Variants in CD247 observed in about 807,000 individuals in gnomAD.
The protein encoded by CD247 is CD247 molecule.
A neutral mutation model predicts 30.0 loss-of-function variants in CD247; 13 were observed. That is an observed-to-expected ratio of 0.43 (90% CI 0.28 to 0.69). CD247 has a LOEUF of 0.69. Among genes scored for constraint, CD247 ranks in the 30% least tolerant of loss-of-function variants. The pLI is 0.16. For missense variants in CD247, 193 were observed against 212.6 expected, an observed-to-expected ratio of 0.91 and a Z score of 0.57; for synonymous variants, 72 against 80.0, an observed-to-expected ratio of 0.90 and a Z score of 0.53.
intron 1 of CD247, among the ~76,000 whole-genome samples, chr1:167,453,602 T>C (rs115909093): frequency 0.014 from 2,104 of 152,278 alleles, 47 homozygotes; most frequent in African/African-American, 0.048. Flanking sequence ...TGTATTCATA[T>C]ATAACCGTTA....
intron 1 of CD247, among the ~76,000 whole-genome samples, chr1:167,509,898 G>A (rs1655315347): frequency 6.6e-6 from 1 of 152,124 alleles, no homozygotes; most frequent in African/African-American, 2.4e-5. Flanking sequence ...AAAGACCCCA[G>A]GCTTACTTGG....
At chr1:167,462,910 T>A (rs78723986) in intron 1 of CD247, among the ~76,000 whole-genome samples, 312 of 152,330 alleles carry the variant, frequency 2.0e-3, no homozygotes, top group African/African-American at 7.0e-3. Flanking sequence ...CCACCAGCCT[T>A]ATTTTTTTCT....
At chr1:167,505,096 A>G (rs1655061061) in intron 1 of CD247, among the ~76,000 whole-genome samples, 1 of 152,144 alleles carries the variant, frequency 6.6e-6, no homozygotes, top group African/African-American at 2.4e-5. Context: ...TCCTCTGGTG[A>G]GTGAAGATTC....
At chr1:167,504,965 CAAGT>C (rs1655054190) in intron 1 of CD247, among the ~76,000 whole-genome samples, 1 of 152,142 alleles carries the variant, frequency 6.6e-6, no homozygotes, top group Non-Finnish European at 1.5e-5. Context: ...CTCATGAAAA[CAAGT>C]AGATTAGAAG....
At chr1:167,509,238 T>C (rs1028476343) in intron 1 of CD247, among the ~76,000 whole-genome samples, 1 of 151,912 alleles carries the variant, frequency 6.6e-6, no homozygotes, top group Non-Finnish European at 1.5e-5. Flanking sequence ...TGTTGGCACA[T>C]GCCTGTAATC....
intron 1 of CD247, among the ~76,000 whole-genome samples, chr1:167,505,397 T>C (rs1291627101): frequency 6.6e-6 from 1 of 152,158 alleles, no homozygotes; most frequent in Non-Finnish European, 1.5e-5. Context: ...CTTTATAGAC[T>C]AAAAGCACTC....
At chr1:167,474,752 C>CTTT (rs1175876563) in intron 1 of CD247, among the ~76,000 whole-genome samples, 8 of 123,282 alleles carry the variant, frequency 6.5e-5, no homozygotes, top group African/African-American at 1.8e-4. Flanking sequence ...TTAAAACTGT[C>CTTT]TTTTTTTTTT....
At chr1:167,496,572 C>T (rs931212863) in intron 1 of CD247, among the ~76,000 whole-genome samples, 3 of 152,128 alleles carry the variant, frequency 2.0e-5, no homozygotes, top group African/African-American at 4.8e-5. Flanking sequence ...CTCTACAGAG[C>T]GGGCAGAGAG....
intron 1 of CD247, among the ~76,000 whole-genome samples, chr1:167,490,630 GAA>G (rs11385046): frequency 6.6e-6 from 1 of 150,472 alleles, no homozygotes; most frequent in Non-Finnish European, 1.5e-5. Flanking sequence ...TCTCAAAAAA[GAA>G]AAAAAAATTA....
intron 1 of CD247, among the ~76,000 whole-genome samples, chr1:167,464,780 A>G (rs747907594): frequency 3.9e-5 from 6 of 152,220 alleles, no homozygotes; most frequent in South Asian, 2.1e-4. Context: ...TGAAACTTCA[A>G]TTGTCTCTGT....
intron 1 of CD247, among the ~76,000 whole-genome samples, chr1:167,493,365 C>T (rs1654537714): frequency 6.6e-6 from 1 of 152,054 alleles, no homozygotes; most frequent in African/African-American, 2.4e-5. Context: ...TTTGTCCCAT[C>T]TTCCTTTTTC....
At position 167,494,952 on chromosome 1, in the gene CD247, C is replaced by T. The variant is rs1358794496; in HGVS notation, c.58+23456G>A. ...GGCTGGGCTGGACTCTGTTCTCTCC[C>T]CACCTGGACCTTGTGTCCGAGGAGC... On this transcript the variant is annotated intron_variant, in intron 1 of 7. Transcript: ENST00000362089. This position sits in a 1 kb window ranked among gnomAD's most constrained non-coding sequence, Gnocchi z 7.3. Among the ~76,000 whole-genome samples, 1 of 152,192 alleles carries T rather than the reference C, an allele frequency of 6.6e-6. No homozygotes were observed. The highest frequency in any genetic ancestry group is 1.5e-5 in the Non-Finnish European group (1 of 68,030).
chr1:167,441,116 C>T (rs1397585846), intron 1 of CD247, among the ~76,000 whole-genome samples: 1 of 152,212 alleles, frequency 6.6e-6, no homozygotes, highest in East Asian at 1.9e-4. Flanking sequence ...GAACCAAGAA[C>T]TCTGGAAGCC....
chr1:167,461,142 C>T (rs949823944), intron 1 of CD247, among the ~76,000 whole-genome samples: 15 of 152,244 alleles, frequency 9.9e-5, no homozygotes, highest in Non-Finnish European at 2.2e-4. Flanking sequence ...TGGGCTGCCG[C>T]CTCCCATGGC....
At chr1:167,478,694 AGTTGTT>A (rs1477109915) in intron 1 of CD247, among the ~76,000 whole-genome samples, 1 of 152,204 alleles carries the variant, frequency 6.6e-6, no homozygotes, top group Non-Finnish European at 1.5e-5. Context: ...TATCTCAAAA[AGTTGTT>A]GTGAGGAATA....
intron 1 of CD247, chr1:167,448,347 A>T (rs2102006570): frequency 2.0e-6 from 2 of 985,388 alleles, no homozygotes; most frequent in African/African-American, 3.5e-5. Flanking sequence ...ACTGACCTTC[A>T]AAGACTTGCT....
Position 167,517,296 on chromosome 1 carries a change from C to T in CD247, c.58+1112G>A, listed in dbSNP as rs1393510648. 6.6e-5 allele frequency among the ~76,000 whole-genome samples: 10 copies of T among 152,238 alleles called. No individual in the cohort carries two copies. The South Asian group carries it at 2.1e-3, about 31-fold the overall frequency. ...GCAGAAGTGCCCATGGCCTCTCCTGCCCTCCCAACAGGGCCCCTAAACAAA... is the reference window on the plus strand; with the variant it reads ...GCAGAAGTGCCCATGGCCTCTCCTGTCCTCCCAACAGGGCCCCTAAACAAA... On this transcript the variant is annotated intron_variant, in intron 1 of 7. Transcript: ENST00000362089.
intron 1 of CD247, among the ~76,000 whole-genome samples, chr1:167,514,945 T>C (rs1359615612): frequency 6.6e-6 from 1 of 152,150 alleles, no homozygotes; most frequent in Non-Finnish European, 1.5e-5. Context: ...TGTATTTTTT[T>C]AAAGAACAAA....
chr1:167,439,214 G>A lies in CD247; in HGVS notation c.219+130C>T. 3 of 807,688 alleles carry A rather than the reference G, an allele frequency of 3.7e-6. No individual in the cohort carries two copies. In the South Asian group the frequency reaches 4.2e-5, roughly 11 times the overall value. The allele number at this position is 807,688 out of a possible 1,614,324, so 50.0% of individuals were successfully genotyped here. A position where few individuals can be genotyped will look rare whatever the true frequency, so the allele number is the denominator to read the frequency against. ...GGGTTAGAAAACTGAGGTTAAACAA[G>A]TTGCAGCCGGGTCGCAGAGGTGATA... On this transcript the variant is annotated intron_variant, in intron 3 of 7. Transcript: ENST00000362089.
Sources: gnomAD v4.1 joint callset for allele counts (sites outside exome capture counted in the v4.1 genomes callset) on GRCh38, gnomAD v4.1.1 for gene constraint, Gnocchi (gnomAD v3.1) non-coding constraint, MANE v1.5 for transcripts, NCBI Gene and HGNC (gene_info 2026-07-23, HGNC 2026-07-21) for gene names.